Variants in SERINC5 observed in about 807,000 individuals in gnomAD.
SERINC5 encodes the protein chromosome 5 open reading frame 12.
A neutral mutation model predicts 63.1 loss-of-function variants in SERINC5; 41 were observed. The ratio of observed to expected loss-of-function variants is 0.65; its 90% CI spans 0.51 to 0.84. The LOEUF (loss-of-function observed/expected upper bound fraction) is 0.84, where lower values mean the gene tolerates loss of function less well. Ranked by LOEUF, SERINC5 falls within the 40% of genes least tolerant of loss-of-function variation. The probability of loss-of-function intolerance (pLI) is 0.00; values close to 1 mark genes in which losing one functional copy is unlikely to be tolerated. For missense variants in SERINC5, 523 were observed against 573.0 expected, an observed-to-expected ratio of 0.91 and a Z score of 0.89; for synonymous variants, 222 against 215.2, an observed-to-expected ratio of 1.03 and a Z score of -0.28.
At chr5:80,132,308 C>T (rs1393641076) in intron 11 of SERINC5, among the ~76,000 whole-genome samples, 1 of 152,152 alleles carries the variant, frequency 6.6e-6, no homozygotes, top group Non-Finnish European at 1.5e-5. Context: ...AGACCCCCTC[C>T]TGCTTCTGTA....
downstream of SERINC5, among the ~76,000 whole-genome samples, chr5:80,134,317 C>T (rs558131102): frequency 6.6e-6 from 1 of 152,054 alleles, no homozygotes; most frequent in Admixed American, 6.6e-5. Context: ...GAAACCCTGT[C>T]TCTACTAAAA....
intron 8 of SERINC5, among the ~76,000 whole-genome samples, chr5:80,155,739 A>AT (rs548377221): frequency 4.1e-4 from 62 of 151,232 alleles, no homozygotes; most frequent in Non-Finnish European, 5.8e-4. Flanking sequence ...GCCTTAAAAC[A>AT]TTTTTTTTTA....
At position 80,139,089 on chromosome 5, in the gene SERINC5, A is replaced by G. The variant is rs1745350211; in HGVS notation, c.*4574T>C. The G allele has an allele frequency of 1.2e-5, 12 of 984,296 alleles. No individual in the cohort carries two copies. The highest frequency in any genetic ancestry group is 1.3e-5 in the Non-Finnish European group (11 of 828,856). The allele number at this position is 984,296 out of a possible 1,614,324, so 61.0% of individuals were successfully genotyped here. Reference sequence around the variant, plus strand: ...TATCAGAGACCATTATAAATTTCAAACAGTAGATTTACCACACATATTGCA... The same window carrying G: ...TATCAGAGACCATTATAAATTTCAAGCAGTAGATTTACCACACATATTGCA... On this transcript the variant is annotated 3_prime_UTR_variant, in exon 12 of 12. Coordinates refer to ENST00000507668, the MANE Select transcript of SERINC5 (RefSeq NM_001174072.3).
intron 2 of SERINC5, among the ~76,000 whole-genome samples, chr5:80,195,213 G>C (rs1192364411): frequency 1.3e-5 from 2 of 151,490 alleles, no homozygotes; most frequent in Non-Finnish European, 2.9e-5. Context: ...TTGAACCTGG[G>C]AGGCAGAGGT....
chr5:80,149,285 C>T (rs1461699267), intron 9 of SERINC5, among the ~76,000 whole-genome samples: 1 of 152,172 alleles, frequency 6.6e-6, no homozygotes, highest in Non-Finnish European at 1.5e-5. Flanking sequence ...ATAAACACCC[C>T]TTCTACAGAC....
intron 2 of SERINC5, 106 bp downstream of exon 2, chr5:80,202,780 C>T: frequency 8.6e-7 from 1 of 1,160,264 alleles, no homozygotes; most frequent in Non-Finnish European, 1.2e-6. Context: ...CCAGGTATAC[C>T]CCAAAACACA....
chr5:80,152,593 GA>G (rs1561372150), intron 8 of SERINC5, among the ~76,000 whole-genome samples: 1 of 151,998 alleles, frequency 6.6e-6, no homozygotes, highest in Non-Finnish European at 1.5e-5. Context: ...TTAATTTTAA[GA>G]AGAGATCACT....
At position 80,169,452 on chromosome 5, in the gene SERINC5, T is replaced by C. The variant is rs759662429; in HGVS notation, c.646A>G (p.Met216Val). 1.9e-6 allele frequency: 3 copies of C among 1,613,900 alleles called. No homozygotes were observed. Among genetic ancestry groups the C allele is most frequent in the Non-Finnish European group, 2.5e-6 (3 of 1,179,856 alleles). The change falls in exon 6 of 12, where the codon ATG becomes GTG. Residue 216 changes from methionine (M) to valine (V), a missense_variant. Coordinates refer to ENST00000507668, the MANE Select transcript of SERINC5 (RefSeq NM_001174072.3). ...TCTTTCTGTGTATAAAACACTGCCA[T>C]CAAAACCAAGCCTCCAGTGGCAATG... is the stretch of plus-strand genomic sequence containing the variant. ...YSIATGGLVL[M>V]AVFYTQKDSC...
chr5:80,220,156 C>A (rs1281989226), intron 1 of SERINC5, among the ~76,000 whole-genome samples: 1 of 151,950 alleles, frequency 6.6e-6, no homozygotes, highest in Non-Finnish European at 1.5e-5. Flanking sequence ...TGCAGTGAGC[C>A]CAGACAGCGC....
rs959976858 is a variant in SERINC5, at chr5:80,139,026, G to A, written c.*4637C>T. ...ACAAATAGAAATCCATGACTAAAGG[G>A]GGAAAATAACTTTCAAAAGTTACCA... On this transcript the variant is annotated 3_prime_UTR_variant, in exon 12 of 12. Coordinates refer to ENST00000507668, the MANE Select transcript of SERINC5 (RefSeq NM_001174072.3). 1 of 982,302 alleles carries A rather than the reference G, an allele frequency of 1.0e-6. No individual in the cohort carries two copies. The highest frequency in any genetic ancestry group is 1.7e-5 in the African/African-American group (1 of 57,210). The allele number at this position is 982,302 out of a possible 1,614,324, so 60.8% of individuals were successfully genotyped here.
chr5:80,146,781 G>A (rs1008981033), intron 10 of SERINC5, among the ~76,000 whole-genome samples: 1 of 152,096 alleles, frequency 6.6e-6, no homozygotes, highest in Non-Finnish European at 1.5e-5. Context: ...AACAGAAAGA[G>A]AACCCTTAAA....
At position 80,116,156 on chromosome 5, in the gene SERINC5, G is replaced by A. The variant is rs951843322; in HGVS notation, c.1239-2531C>T. 2.1e-5 allele frequency: 8 copies of A among 377,802 alleles called. 1 individual carries two copies. The highest frequency in any genetic ancestry group is 1.5e-4 in the African/African-American group (7 of 47,006). 23.4% of individuals were successfully genotyped at this position (377,802 alleles called of 1,614,324 possible). ...TAGGCACCTTGCCGTAGGCCTCTCTGGCACTCCATCTTGTCTCTCTTCCCT... is the reference window on the plus strand; with the variant it reads ...TAGGCACCTTGCCGTAGGCCTCTCTAGCACTCCATCTTGTCTCTCTTCCCT... On this transcript the variant is annotated intron_variant, in intron 11 of 12. Transcript: ENST00000509193.
chr5:80,112,392 C>T (rs886781495), intron 12 of SERINC5, among the ~76,000 whole-genome samples: 2 of 152,150 alleles, frequency 1.3e-5, no homozygotes, highest in African/African-American at 4.8e-5. Context: ...CCTTTGCTCA[C>T]GTTTTCTTGC....
intron 1 of SERINC5, among the ~76,000 whole-genome samples, chr5:80,206,169 T>C (rs1750154288): frequency 6.6e-6 from 1 of 152,164 alleles, no homozygotes; most frequent in Admixed American, 6.5e-5. Context: ...GTATTAACAC[T>C]ATACTCTATA....
At chr5:80,252,474 C>A (rs1473957935) in intron 1 of SERINC5, among the ~76,000 whole-genome samples, 1 of 152,174 alleles carries the variant, frequency 6.6e-6, no homozygotes, top group Non-Finnish European at 1.5e-5. Flanking sequence ...AGGGGCCTAG[C>A]ACAGAACTTT....
At chr5:80,235,105 C>T (rs1185911964) in intron 1 of SERINC5, among the ~76,000 whole-genome samples, 2 of 152,208 alleles carry the variant, frequency 1.3e-5, no homozygotes, top group Non-Finnish European at 2.9e-5. Flanking sequence ...CCTCTGGGCC[C>T]TTGGGAACCA....
intron 1 of SERINC5, among the ~76,000 whole-genome samples, chr5:80,224,936 T>G (rs1258008044): frequency 4.2e-4 from 30 of 70,968 alleles, no homozygotes; most frequent in African/African-American, 1.7e-3. Context: ...TTTTTTTTTG[T>G]TTTTTTTTGT....
intron 1 of SERINC5, among the ~76,000 whole-genome samples, chr5:80,216,895 C>G (rs1046284501): frequency 4.6e-5 from 7 of 151,774 alleles, no homozygotes; most frequent in Admixed American, 1.3e-4. Flanking sequence ...CCTGTAGTCC[C>G]GGCTACTTGG....
At chr5:80,202,013 A>G (rs1749868186) in intron 2 of SERINC5, among the ~76,000 whole-genome samples, 1 of 152,116 alleles carries the variant, frequency 6.6e-6, no homozygotes, top group Non-Finnish European at 1.5e-5. Flanking sequence ...CAAGGCGGGT[A>G]GATCACTTGA....
Sources: gnomAD v4.1 joint callset for allele counts (sites outside exome capture counted in the v4.1 genomes callset) on GRCh38, gnomAD v4.1.1 for gene constraint, MANE v1.5 for transcripts, NCBI Gene and HGNC (gene_info 2026-07-23, HGNC 2026-07-21) for gene names.